SYNE2: variants seen among roughly 807,000 people sequenced by gnomAD.
SYNE2 encodes nesprin-2.
Under a neutral mutation model 856.3 loss-of-function variants are expected in SYNE2, and 431 were observed. The observed-to-expected ratio is 0.50, with a 90% CI of 0.47 to 0.55. The LOEUF (loss-of-function observed/expected upper bound fraction) is 0.55. Ranked by LOEUF, SYNE2 falls within the 20% of genes least tolerant of loss-of-function variation. The probability of loss-of-function intolerance (pLI) is 0.00; values close to 1 mark genes in which losing one functional copy is unlikely to be tolerated. For missense variants in SYNE2, 8,129 were observed against 8,023.2 expected (o/e 1.01, Z -0.50); for synonymous variants, 2,923 against 2,872.3 (o/e 1.02, Z -0.56).
At chr14:63,863,603 A>AC (rs1242980586) in intron 1 of SYNE2, among the ~76,000 whole-genome samples, 1 of 151,710 alleles carries the variant, frequency 6.6e-6, no homozygotes, top group East Asian at 1.9e-4. Flanking sequence ...ACAAATAAAA[A>AC]CCCCCCACAA....
intron 32 of SYNE2, among the ~76,000 whole-genome samples, chr14:64,013,775 A>G (rs956625876): frequency 3.9e-5 from 6 of 152,180 alleles, no homozygotes; most frequent in Admixed American, 6.5e-5. Flanking sequence ...TTCATTTTAA[A>G]TATTTTATTT....
chr14:64,176,597 G>C (rs1656247075), intron 95 of SYNE2, among the ~76,000 whole-genome samples: 1 of 151,944 alleles, frequency 6.6e-6, no homozygotes, highest in Non-Finnish European at 1.5e-5. Context: ...CGGTGGAAAA[G>C]AAGACAAGGA....
At chr14:63,973,712 A>G (rs1215537233) in intron 11 of SYNE2, among the ~76,000 whole-genome samples, 2 of 152,150 alleles carry the variant, frequency 1.3e-5, no homozygotes, top group East Asian at 3.8e-4. Flanking sequence ...CAAGATAAAA[A>G]CAAGCAAAAC....
intron 61 of SYNE2, among the ~76,000 whole-genome samples, chr14:64,095,657 C>CA (rs1340574514): frequency 1.3e-5 from 2 of 152,104 alleles, no homozygotes; most frequent in African/African-American, 4.8e-5. Flanking sequence ...GCTTACAACT[C>CA]AAACAGTAGC....
intron 97 of SYNE2, among the ~76,000 whole-genome samples, 200 bp from the exon 98 acceptor site, chr14:64,188,342 TTTATTTTG>T (rs1211188445): frequency 1.3e-5 from 2 of 152,170 alleles, no homozygotes; most frequent in African/African-American, 2.4e-5. Flanking sequence ...AGGTACAGTA[TTTATTTTG>T]TTATTTTTTA....
Position 64,175,101 on chromosome 14 carries a change from T to A in SYNE2, c.17393T>A (p.Leu5798Gln). The part of the protein sequence containing the change: ...QDSWKDMEPQ[L>Q]AEMIKQFQST... ...AGCTGGAAAGACATGGAGCCCCAGCTGGCAGAGATGATTAAGCAGTTCCAG... is the reference window on the plus strand; with the variant it reads ...AGCTGGAAAGACATGGAGCCCCAGCAGGCAGAGATGATTAAGCAGTTCCAG... Residue 5798 changes from leucine (L) to glutamine (Q), a missense_variant, in exon 95 of 116, where the codon CTG becomes CAG. Transcript: ENST00000555002. 7 of 1,614,146 alleles carry A rather than the reference T, an allele frequency of 4.3e-6. No homozygotes were observed. The highest frequency in any genetic ancestry group is 1.3e-5 in the African/African-American group (1 of 75,060).
intron 1 of SYNE2, among the ~76,000 whole-genome samples, chr14:63,791,771 G>A (rs182872888): frequency 1.8e-4 from 27 of 151,978 alleles, no homozygotes; most frequent in Admixed American, 1.5e-3. Flanking sequence ...GTGAAACATC[G>A]TCTCTACTAA....
intron 67 of SYNE2, 148 bp from the exon 68 acceptor site, chr14:64,120,779 A>G (rs2097892429): frequency 1.2e-6 from 1 of 811,726 alleles, no homozygotes; most frequent in South Asian, 1.9e-5. Flanking sequence ...ACAAAAACAA[A>G]AAATTATAGT....
intron 99 of SYNE2, among the ~76,000 whole-genome samples, chr14:64,192,345 A>T (rs1056326622): frequency 1.3e-5 from 2 of 152,136 alleles, no homozygotes; most frequent in Non-Finnish European, 2.9e-5. Context: ...CCATTCATGG[A>T]TCATACAGGA....
intron 1 of SYNE2, among the ~76,000 whole-genome samples, chr14:63,773,753 T>C (rs955929993): frequency 3.9e-5 from 6 of 152,124 alleles, no homozygotes; most frequent in Admixed American, 3.9e-4. Flanking sequence ...AATATGGTTA[T>C]TATGAGCAAG....
At chr14:63,766,730 A>G (rs1234720063) in intron 1 of SYNE2, among the ~76,000 whole-genome samples, 2 of 152,164 alleles carry the variant, frequency 1.3e-5, no homozygotes, top group Non-Finnish European at 2.9e-5. Flanking sequence ...AGAAAAGAAA[A>G]CCTTGTATTT....
At chr14:63,792,365 T>C (rs1220360880) in intron 1 of SYNE2, among the ~76,000 whole-genome samples, 1 of 152,084 alleles carries the variant, frequency 6.6e-6, no homozygotes, top group East Asian at 1.9e-4. Flanking sequence ...GCCAACATGA[T>C]GAACATGGCG....
intron 2 of SYNE2, among the ~76,000 whole-genome samples, chr14:63,929,226 G>A (rs904416049): frequency 1.3e-5 from 2 of 152,052 alleles, no homozygotes; most frequent in African/African-American, 4.8e-5. Context: ...TTCTAGAGGG[G>A]TGAGAAGAGC....
At chr14:63,907,575 C>G (rs2095423315) in intron 1 of SYNE2, among the ~76,000 whole-genome samples, 1 of 151,854 alleles carries the variant, frequency 6.6e-6, no homozygotes, top group Non-Finnish European at 1.5e-5. Flanking sequence ...TATAATATTG[C>G]TATTATCCTT....
intron 1 of SYNE2, among the ~76,000 whole-genome samples, chr14:63,879,856 A>G (rs1420260067): frequency 6.6e-6 from 1 of 152,238 alleles, no homozygotes; most frequent in African/African-American, 2.4e-5. Flanking sequence ...TAGTGGGGAT[A>G]CTTGGGTTTA....
At chr14:64,165,136 C>G in intron 89 of SYNE2, 149 bp from the exon 90 acceptor site, 1 of 730,874 alleles carries the variant, frequency 1.4e-6, no homozygotes, top group South Asian at 1.6e-5. Flanking sequence ...ATCTTCCCAC[C>G]TCGGCCTCCC....
At chr14:64,202,103 G>T in intron 99 of SYNE2, 1 of 686,806 alleles carries the variant, frequency 1.5e-6, no homozygotes, top group Non-Finnish European at 2.7e-6. Context: ...AGTTGGGCCG[G>T]ATGGGAGCTG....
intron 74 of SYNE2, 98 bp from the exon 75 acceptor site, chr14:64,129,683 CT>C: frequency 6.4e-7 from 1 of 1,550,806 alleles, no homozygotes; most frequent in Non-Finnish European, 8.7e-7. Context: ...TTGCTTTTCC[CT>C]TCATCCCTTT....
chr14:64,130,268 C>A lies in SYNE2; in HGVS notation c.14340+20C>A. On this transcript the variant is annotated intron_variant, in intron 76 of 115. Transcript: ENST00000555002. ...CACAAGGTGAGACAGACACATGGGT[C>A]GGGTGACCCCTTCATAGACTAAAAT... 2 of 1,598,032 alleles carry A rather than the reference C, an allele frequency of 1.3e-6. No individual in the cohort carries two copies. The highest frequency in any genetic ancestry group is 1.1e-5 in the South Asian group (1 of 89,134).
Sources: gnomAD v4.1 joint callset for allele counts (sites outside exome capture counted in the v4.1 genomes callset) on GRCh38, gnomAD v4.1.1 for gene constraint, MANE v1.5 for transcripts, NCBI Gene and HGNC (gene_info 2026-07-23, HGNC 2026-07-21) for gene names.